Variants in KMT2E observed in about 807,000 individuals in gnomAD.
KMT2E encodes the protein lysine methyltransferase 2E (inactive).
Under a neutral mutation model 184.6 loss-of-function variants are expected in KMT2E, and 30 were observed. The ratio of observed to expected loss-of-function variants is 0.16; its 90% CI spans 0.12 to 0.22. KMT2E has a LOEUF of 0.22. Among genes scored for constraint, KMT2E ranks in the 10% least tolerant of loss-of-function variants. The pLI, the probability that KMT2E is intolerant of heterozygous loss-of-function variation, is 1.00. For synonymous variants in KMT2E, 815 were observed against 776.5 expected, an observed-to-expected ratio of 1.05 and a Z score of -0.82; for missense variants, 2,023 against 2,237.4, an observed-to-expected ratio of 0.90 and a Z score of 1.93.
At chr7:105,102,912 C>T (rs1185060413) in intron 17 of KMT2E, 1 of 152,160 alleles carries the variant, frequency 6.6e-6, no homozygotes. Context: ...GCTGCTAAAC[C>T]ATGACATGTA....
Position 105,113,022 on chromosome 7 carries a change from C to T in KMT2E, c.5266C>T (p.Pro1756Ser). The T allele has an allele frequency of 6.2e-7, 1 of 1,614,110 alleles. No homozygotes were observed. Reference protein sequence around the residue: ...GPPLFPSSAHPTVPPYPSQAT... With the variant: ...GPPLFPSSAHSTVPPYPSQAT... The stretch of plus-strand genomic sequence containing the variant: ...TCCACTTTTTCCTTCGAGTGCTCAT[C>T]CAACTGTACCACCGTATCCCTCACA... Residue 1756 changes from proline to serine, a missense_variant, in exon 27 of 27, where the codon CCA (proline) becomes TCA (serine). Coordinates refer to ENST00000311117, the MANE Select transcript of KMT2E (RefSeq NM_182931.3).
chr7:105,074,830 G>C lies in KMT2E; in HGVS notation c.729+15G>C. On this transcript the variant is annotated intron_variant, in intron 8 of 26. Coordinates refer to ENST00000311117, the MANE Select transcript of KMT2E (RefSeq NM_182931.3). ...AATGTAAAAAGGTACGTTTTTGCTTGTTTTTAGGTGAGTGGATAGGATAGC... is the reference window on the plus strand; with the variant it reads ...AATGTAAAAAGGTACGTTTTTGCTTCTTTTTAGGTGAGTGGATAGGATAGC... 6.3e-7 allele frequency: 1 copy of C among 1,584,124 alleles called. No individual in the cohort carries two copies. Among genetic ancestry groups the C allele is most frequent in the Non-Finnish European group, 8.6e-7 (1 of 1,165,458 alleles).
intron 1 of KMT2E, among the ~76,000 whole-genome samples, chr7:105,036,718 A>G (rs946798026): frequency 1.3e-4 from 20 of 152,238 alleles, no homozygotes; most frequent in Admixed American, 1.3e-3. Flanking sequence ...TGAGTATCAG[A>G]TAAGTGCTTC....
Position 105,105,503 on chromosome 7 carries a change from C to T in KMT2E, c.2261C>T (p.Ser754Leu), listed in dbSNP as rs751596574. The change falls in exon 18 of 27, where the codon TCA becomes TTA. Residue 754 changes from serine (S) to leucine (L), a missense_variant. By Grantham distance (145) the Ser-to-Leu change is moderately radical (BLOSUM62 -2). Transcript: ENST00000311117. ...ACAGGAAAACCTTCAGATGGCCTTT[C>T]AGAAAGGCCTCTACGCATAACTACA... ...EKTGKPSDGL[S>L]ERPLRITTDP... 6.2e-6 allele frequency: 10 copies of T among 1,611,880 alleles called. No homozygotes were observed. The highest frequency in any genetic ancestry group is 3.4e-6 in the Non-Finnish European group (4 of 1,179,362).
intron 3 of KMT2E, among the ~76,000 whole-genome samples, chr7:105,054,040 G>C (rs924871357): frequency 6.6e-6 from 1 of 151,994 alleles, no homozygotes; most frequent in Admixed American, 6.6e-5. Context: ...GGGCATGGTG[G>C]CACGTGCCTG....
intron 6 of KMT2E, among the ~76,000 whole-genome samples, chr7:105,070,698 A>G (rs1447339211): frequency 6.7e-6 from 1 of 150,116 alleles, no homozygotes; most frequent in East Asian, 2.0e-4. Flanking sequence ...CTGTGGTCCC[A>G]GCTCTTTGGG....
chr7:105,097,908 A>G (rs1798481158), intron 15 of KMT2E, among the ~76,000 whole-genome samples: 1 of 152,210 alleles, frequency 6.6e-6, no homozygotes, highest in African/African-American at 2.4e-5. Context: ...CAAAGAAGGA[A>G]AGGTCACTGC....
At chr7:105,100,520 T>A (rs1296945269) in intron 15 of KMT2E, among the ~76,000 whole-genome samples, 1 of 152,224 alleles carries the variant, frequency 6.6e-6, no homozygotes, top group Non-Finnish European at 1.5e-5. Context: ...ATGTGGTTCC[T>A]GGTTCTGGTT....
In KMT2E at chr7:105,090,160, A is replaced by G; in HGVS notation, c.1510A>G (p.Thr504Ala). The change falls in exon 14 of 27, where the codon ACA (threonine) becomes GCA (alanine). Residue 504 changes from threonine to alanine, a missense_variant. Around this residue, in one of 8 missense-constraint regions of KMT2E, gnomAD observed 514 missense variants for 621.8 expected, o/e 0.83. Transcript: ENST00000311117. ...CAAAGATATTTCAAAAGAAAAAGAT[A>G]CACAAAATCAGAATATTACTTTGGA... ...KDKDISKEKD[T>A]QNQNITLDCE... is the part of the protein sequence containing the mutation. The G allele has an allele frequency of 1.2e-6, 2 of 1,613,338 alleles. No homozygotes were observed. The highest frequency in any genetic ancestry group is 1.7e-6 in the Non-Finnish European group (2 of 1,179,664).
In KMT2E at chr7:105,014,250, G is replaced by A. The variant is rs1794613886; in HGVS notation, c.-474G>A. 5.6e-6 allele frequency: 1 copy of A among 180,036 alleles called. No individual in the cohort carries two copies. The highest frequency in any genetic ancestry group is 1.7e-4 in the East Asian group (1 of 6,048). The allele number at this position is 180,036 out of a possible 1,614,324, so 11.2% of individuals were successfully genotyped here. A position where few individuals can be genotyped will look rare whatever the true frequency, so the allele number is the denominator to read the frequency against. ...TGAGCGGGCGCAGGGGGCCGAGTCG[G>A]AGACCGTGCCGGAGTTCGGGAGCGG... is the stretch of plus-strand genomic sequence containing the variant. On this transcript the variant is annotated 5_prime_UTR_variant, in exon 1 of 27. Transcript: ENST00000311117.
intron 22 of KMT2E, 83 bp from the exon 23 acceptor site, chr7:105,108,859 T>C: frequency 2.6e-6 from 3 of 1,160,878 alleles, no homozygotes; most frequent in Non-Finnish European, 3.6e-6. Context: ...ATAGTAATTC[T>C]CTTTAGACAA....
At chr7:105,079,096 GT>G in intron 12 of KMT2E, 133 bp downstream of exon 12, 2 of 401,268 alleles carry the variant, frequency 5.0e-6, no homozygotes, top group South Asian at 3.6e-5. Context: ...TGCCCAGCCT[GT>G]TTTTTTGTGA....
chr7:105,020,489 G>A lies in KMT2E; in HGVS notation c.-189+5954G>A, dbSNP rs547976950. The stretch of plus-strand genomic sequence containing the variant: ...AATCCCAGCTACTTGGGAGGCTGAG[G>A]CAGGAGAATTGCTTGGACCTGGGAG... On this transcript the variant is annotated intron_variant, in intron 1 of 26. Coordinates refer to ENST00000311117, the MANE Select transcript of KMT2E (RefSeq NM_182931.3). Among the ~76,000 whole-genome samples the A allele has an allele frequency of 9.2e-5, 14 of 152,200 alleles. No homozygotes were observed. The South Asian group carries it at 2.9e-3, about 32-fold the overall frequency.
chr7:105,094,774 T>G (rs751167660), intron 15 of KMT2E, among the ~76,000 whole-genome samples: 10 of 152,196 alleles, frequency 6.6e-5, no homozygotes, highest in Non-Finnish European at 1.5e-4. Context: ...TTGAGAGAGA[T>G]ATCACATTCA....
intron 3 of KMT2E, among the ~76,000 whole-genome samples, chr7:105,046,277 CAT>C (rs1178485360): frequency 6.6e-6 from 1 of 152,138 alleles, no homozygotes; most frequent in Non-Finnish European, 1.5e-5. Flanking sequence ...TCTAAAAACA[CAT>C]AAGTCATTTA....
intron 3 of KMT2E, among the ~76,000 whole-genome samples, chr7:105,056,740 T>G (rs962081149): frequency 1.3e-5 from 2 of 152,224 alleles, no homozygotes; most frequent in Non-Finnish European, 2.9e-5. Flanking sequence ...GTAGTTGTAC[T>G]TGAGAACAAA....
rs183874279 is a variant in KMT2E at position 105,021,353 on chromosome 7, A to G, written c.-189+6818A>G. Among the ~76,000 whole-genome samples the G allele has an allele frequency of 5.9e-3, 894 of 152,360 alleles. 5 individuals carry two copies. The highest frequency in any genetic ancestry group is 0.01 in the Non-Finnish European group (683 of 68,044). ...GAAGCACAGACAAAAGATGAATTTG[A>G]GTAGCTATTATTTTCCTGGCACCAC... is the stretch of plus-strand genomic sequence containing the variant. On this transcript the variant is annotated intron_variant, in intron 1 of 26. Transcript: ENST00000311117.
In KMT2E at chr7:105,112,674, C is replaced by G; in HGVS notation, c.4918C>G (p.Leu1640Val). 6.2e-7 allele frequency: 1 copy of G among 1,614,010 alleles called. No individual in the cohort carries two copies. Among genetic ancestry groups the G allele is most frequent in the Non-Finnish European group, 8.5e-7 (1 of 1,180,002 alleles). ...PPPPPAPGPH[L>V]VQQPNSHQQH... Reference sequence around the variant, plus strand: ...ACCACCACCTGCTCCAGGACCGCACCTTGTACAACAGCCGAATTCCCATCA... The same window carrying G: ...ACCACCACCTGCTCCAGGACCGCACGTTGTACAACAGCCGAATTCCCATCA... Residue 1640 changes from leucine (L) to valine (V), a missense_variant, in exon 27 of 27, where the codon CTT (leucine) becomes GTT (valine). By Grantham distance (32) the Leu-to-Val change is conservative. Coordinates refer to ENST00000311117, the MANE Select transcript of KMT2E (RefSeq NM_182931.3).
chr7:105,077,016 G>T lies in KMT2E; in HGVS notation c.822G>T (p.Glu274Asp). 1 of 1,613,842 alleles carries T rather than the reference G, an allele frequency of 6.2e-7. No homozygotes were observed. Among genetic ancestry groups the T allele is most frequent in the Non-Finnish European group, 8.5e-7 (1 of 1,179,972 alleles). Reference sequence around the variant, plus strand: ...CTGATGGTTCAAATTTTGGATGGGAGACAAAGATCAAAGCATGGATGGATC... The same window carrying T: ...CTGATGGTTCAAATTTTGGATGGGATACAAAGATCAAAGCATGGATGGATC... ...PSSDGSNFGW[E>D]TKIKAWMDRY... is the part of the protein sequence containing the mutation. The change falls in exon 10 of 27, where the codon GAG becomes GAT. Residue 274 changes from glutamate (E) to aspartate (D), a missense_variant. By Grantham distance (45) the Glu-to-Asp change is conservative. Coordinates refer to ENST00000311117, the MANE Select transcript of KMT2E (RefSeq NM_182931.3).
Sources: gnomAD v4.1 joint callset for allele counts (sites outside exome capture counted in the v4.1 genomes callset) on GRCh38, gnomAD v4.1.1 for gene constraint, gnomAD v4.1.1 regional missense constraint, MANE v1.5 for transcripts, NCBI Gene and HGNC (gene_info 2026-07-23, HGNC 2026-07-21) for gene names.